AGMO: variants seen among roughly 807,000 people sequenced by gnomAD.
The protein encoded by AGMO is alkylglycerol monooxygenase, also known as glyceryl-ether monooxygenase.
AGMO carries 75 observed loss-of-function variants against 60.2 expected under a neutral mutation model. The observed-to-expected ratio is 1.25, with a 90% confidence interval of 1.03 to 1.51. AGMO has a LOEUF of 1.51. Among genes scored for constraint, AGMO ranks in the 40% most tolerant of loss-of-function variants. The pLI is 0.00. For missense variants in AGMO, 763 were observed against 525.5 expected, an observed-to-expected ratio of 1.45 and a Z score of -4.42; for synonymous variants, 261 against 177.1, an observed-to-expected ratio of 1.47 and a Z score of -3.76.
intron 12 of AGMO, among the ~76,000 whole-genome samples, chr7:15,291,809 TCATAAAGGA>T (rs1188860346): frequency 1.3e-5 from 2 of 152,036 alleles, no homozygotes; most frequent in East Asian, 3.9e-4. Context: ...TGGTAAAAAC[TCATAAAGGA>T]CATAACCTGA....
At chr7:15,356,458 A>G (rs567933758) in intron 12 of AGMO, among the ~76,000 whole-genome samples, 3 of 152,162 alleles carry the variant, frequency 2.0e-5, no homozygotes, top group Admixed American at 2.0e-4. Flanking sequence ...CATATATAGT[A>G]TATAAGATAC....
intron 12 of AGMO, among the ~76,000 whole-genome samples, chr7:15,354,264 C>A (rs1782364382): frequency 7.3e-6 from 1 of 136,624 alleles, no homozygotes; most frequent in Non-Finnish European, 1.5e-5. Flanking sequence ...AAAATGTGTA[C>A]ATGATAGATG....
intron 7 of AGMO, 40 bp downstream of exon 7, chr7:15,390,800 G>C (rs569794941): frequency 5.1e-6 from 8 of 1,582,152 alleles, no homozygotes; most frequent in South Asian, 1.1e-5. Flanking sequence ...TAAAGTAAAG[G>C]AGCTGATTTA....
chr7:15,471,566 A>G (rs1782450857), intron 3 of AGMO, among the ~76,000 whole-genome samples: 1 of 151,908 alleles, frequency 6.6e-6, no homozygotes, highest in African/African-American at 2.4e-5. Flanking sequence ...AGCTTTAACT[A>G]TAAATGAGGA....
At chr7:15,153,803 T>C in the AGMO span, among the ~76,000 whole-genome samples, 1 of 152,226 alleles carries the variant, frequency 6.6e-6, no homozygotes, top group Admixed American at 6.5e-5. Context: ...TTGCTTAGTC[T>C]TGCTTTTGGC....
intron 12 of AGMO, among the ~76,000 whole-genome samples, chr7:15,232,828 A>C (rs905185324): frequency 8.3e-4 from 78 of 93,896 alleles, no homozygotes; most frequent in South Asian, 5.0e-3. Flanking sequence ...CACACACACA[A>C]AAACTAAAGA....
intron 12 of AGMO, among the ~76,000 whole-genome samples, chr7:15,283,475 T>TA (rs777246258): frequency 1.4e-4 from 21 of 151,714 alleles, no homozygotes; most frequent in East Asian, 7.7e-4. Context: ...AACAACAGTT[T>TA]AAAAAAAAGA....
intron 3 of AGMO, among the ~76,000 whole-genome samples, chr7:15,529,005 G>A (rs1282741690): frequency 6.6e-6 from 1 of 151,884 alleles, no homozygotes; most frequent in African/African-American, 2.4e-5. Context: ...AAGAAAGTGG[G>A]GTTATGGCAT....
intron 3 of AGMO, among the ~76,000 whole-genome samples, chr7:15,449,793 G>T (rs1201604949): frequency 6.6e-6 from 1 of 152,100 alleles, no homozygotes; most frequent in Non-Finnish European, 1.5e-5. Context: ...TAAAAATCAC[G>T]TTATGTGCAT....
chr7:15,223,580 T>C (rs567554315), intron 12 of AGMO, among the ~76,000 whole-genome samples: 6 of 152,006 alleles, frequency 3.9e-5, no homozygotes, highest in African/African-American at 1.4e-4. Flanking sequence ...TCCACAGGGA[T>C]TGGGGTTAAG....
intron 12 of AGMO, among the ~76,000 whole-genome samples, chr7:15,279,871 G>A (rs1038659538): frequency 6.6e-6 from 1 of 152,186 alleles, no homozygotes; most frequent in Non-Finnish European, 1.5e-5. Context: ...GAATATCAAG[G>A]AAGAAGCAAC....
At chr7:15,538,614 T>C (rs1238460117) in intron 3 of AGMO, among the ~76,000 whole-genome samples, 2 of 152,150 alleles carry the variant, frequency 1.3e-5, no homozygotes, top group African/African-American at 4.8e-5. Flanking sequence ...TATATTCTGG[T>C]ATCAAAAAAG....
chr7:15,241,406 G>C (rs975715356), intron 12 of AGMO, among the ~76,000 whole-genome samples: 5 of 140,086 alleles, frequency 3.6e-5, no homozygotes, highest in Admixed American at 1.6e-4. Flanking sequence ...CTTGCAGTGA[G>C]CCGGGATAGC....
At chr7:15,533,135 A>G (rs1329899993) in intron 3 of AGMO, among the ~76,000 whole-genome samples, 1 of 152,176 alleles carries the variant, frequency 6.6e-6, no homozygotes, top group Non-Finnish European at 1.5e-5. Flanking sequence ...TTTTATACAC[A>G]TGGAGATATG....
In AGMO at chr7:15,503,824, T is replaced by A. The variant is rs146830866; in HGVS notation, c.409+40948A>T. Among the ~76,000 whole-genome samples the A allele has an allele frequency of 4.0e-3, 609 of 152,174 alleles. 1 individual carries two copies. Among genetic ancestry groups the A allele is most frequent in the African/African-American group, 0.014 (590 of 41,552 alleles). ...ATTTACTCATAGTCTCTGATAATAC[T>A]GCAAACTTTTTTCTGAAATCACTGA... On this transcript the variant is annotated intron_variant, in intron 3 of 12. Coordinates refer to ENST00000342526, the MANE Select transcript of AGMO (RefSeq NM_001004320.2).
intron 5 of AGMO, among the ~76,000 whole-genome samples, chr7:15,398,472 T>G (rs1036072687): frequency 6.6e-6 from 1 of 152,166 alleles, no homozygotes; most frequent in Non-Finnish European, 1.5e-5. Context: ...GAGTGAGAGA[T>G]GATTCATCAT....
rs188367776 is a variant in AGMO at position 15,391,268 on chromosome 7, T to C, written c.677-363A>G. 3.5e-3 allele frequency among the ~76,000 whole-genome samples: 537 copies of C among 152,138 alleles called. 3 individuals are homozygous for C. Among genetic ancestry groups the C allele is most frequent in the Middle Eastern group, 6.8e-3 (2 of 294 alleles). On this transcript the variant is annotated intron_variant, in intron 6 of 12. Coordinates refer to ENST00000342526, the MANE Select transcript of AGMO (RefSeq NM_001004320.2). ...AATGAGAAATAAAATCAGAAAACGA[T>C]GTATATAAATGTTTTTATTTTAAAT... is the stretch of plus-strand genomic sequence containing the variant.
At chr7:15,493,257 T>C (rs1001281276) in intron 3 of AGMO, among the ~76,000 whole-genome samples, 5 of 151,714 alleles carry the variant, frequency 3.3e-5, no homozygotes, top group Admixed American at 6.6e-5. Flanking sequence ...GTTTTGTCCA[T>C]ATGTTTTGTT....
At chr7:15,308,348 C>G (rs1780674350) in intron 12 of AGMO, among the ~76,000 whole-genome samples, 1 of 151,800 alleles carries the variant, frequency 6.6e-6, no homozygotes, top group African/African-American at 2.4e-5. Context: ...CTGACCTTAC[C>G]CCCACACTTC....
Sources: allele counts gnomAD v4.1 joint callset (sites outside exome capture counted in the v4.1 genomes callset), GRCh38; gene constraint gnomAD v4.1.1; transcripts MANE v1.5; gene names NCBI Gene and HGNC (gene_info 2026-07-23, HGNC 2026-07-21).